Variants in PLAT observed in about 807,000 individuals in gnomAD.
The protein encoded by PLAT is tissue-type plasminogen activator.
Under a neutral mutation model 74.9 loss-of-function variants are expected in PLAT, and 48 were observed. That is an observed-to-expected ratio of 0.64 (90% CI 0.51 to 0.82). The LOEUF (loss-of-function observed/expected upper bound fraction) is 0.82. PLAT is among the 40% of genes least tolerant of loss of function. The pLI is 0.00. For synonymous variants in PLAT, 307 were observed against 294.4 expected (o/e 1.04, Z -0.44); for missense variants, 673 against 736.2 (o/e 0.91, Z 0.99).
At chr8:42,183,487 G>A (rs769772962) in intron 7 of PLAT, among the ~76,000 whole-genome samples, 3 of 152,124 alleles carry the variant, frequency 2.0e-5, no homozygotes, top group Admixed American at 1.3e-4. Flanking sequence ...GCCAGTAGGG[G>A]TTTCCTTGTG....
At chr8:42,192,526 C>A (rs565760284) in intron 2 of PLAT, among the ~76,000 whole-genome samples, 3 of 152,094 alleles carry the variant, frequency 2.0e-5, no homozygotes, top group South Asian at 2.1e-4. Context: ...CAGAGTGAGA[C>A]CCTGTTTCCA....
intron 1 of PLAT, among the ~76,000 whole-genome samples, chr8:42,207,108 C>T (rs1387278495): frequency 1.3e-5 from 2 of 152,214 alleles, no homozygotes; most frequent in African/African-American, 4.8e-5. Context: ...TCCCAGCTGT[C>T]ACAGGCACGT....
intron 1 of PLAT, among the ~76,000 whole-genome samples, chr8:42,202,286 C>G (rs181761797): frequency 5.3e-5 from 8 of 151,958 alleles, no homozygotes; most frequent in Non-Finnish European, 8.8e-5. Flanking sequence ...CCGCCCACCT[C>G]GGGCTCCCAA....
Position 42,180,037 on chromosome 8 carries a change from G to C in PLAT, c.1252C>G (p.Arg418Gly). 6.2e-7 allele frequency: 1 copy of C among 1,609,204 alleles called. No homozygotes were observed. Among genetic ancestry groups the C allele is most frequent in the Non-Finnish European group, 8.5e-7 (1 of 1,177,028 alleles). Residue 418 changes from arginine to glycine, a missense_variant, in exon 12 of 14, where the codon CGC becomes GGC. Physicochemically the swap from Arg to Gly is moderately radical, Grantham distance 125 (BLOSUM62 -2). Coordinates refer to ENST00000220809, the MANE Select transcript of PLAT (RefSeq NM_000930.5). ...ACCACGCTGCTCTCCTGGGCACAGC[G>C]GGACGAATCCGATTTCAGCTGCAGC... ...ALLQLKSDSSRCAQESSVVRT... is the reference protein window; with the variant it reads ...ALLQLKSDSSGCAQESSVVRT...
intron 5 of PLAT, 75 bp from the exon 6 acceptor site, chr8:42,187,647 G>T (rs1805536064): frequency 5.8e-6 from 8 of 1,377,024 alleles, no homozygotes; most frequent in Non-Finnish European, 7.9e-6. Flanking sequence ...TCCCCTCTCT[G>T]CCCCGTCCTC....
chr8:42,193,486 C>T, intron 1 of PLAT: 1 of 295,776 alleles, frequency 3.4e-6, no homozygotes, highest in Admixed American at 4.2e-5. Context: ...GCCGTCACCA[C>T]CGCCCATCTC....
chr8:42,202,180 T>C (rs1015101068), intron 1 of PLAT, among the ~76,000 whole-genome samples: 2 of 148,546 alleles, frequency 1.3e-5, no homozygotes, highest in Admixed American at 1.3e-4. Flanking sequence ...CCACCATGTC[T>C]GGCTAATTTT....
At chr8:42,177,074 G>C (rs1344192416) in intron 13 of PLAT, among the ~76,000 whole-genome samples, 1 of 152,046 alleles carries the variant, frequency 6.6e-6, no homozygotes, top group Non-Finnish European at 1.5e-5. Context: ...CCACCTCCGG[G>C]GTTCAAGCAA....
At chr8:42,179,890 G>T (rs1805146729) in intron 12 of PLAT, 36 bp downstream of exon 12, 1 of 1,527,080 alleles carries the variant, frequency 6.5e-7, no homozygotes, top group Non-Finnish European at 8.8e-7. Context: ...CTGCTGTCCC[G>T]CAGACAGGAT....
chr8:42,190,930 G>A (rs565106989), intron 3 of PLAT, among the ~76,000 whole-genome samples: 31 of 152,320 alleles, frequency 2.0e-4, no homozygotes, highest in African/African-American at 7.2e-4. Context: ...GGTGCACTGT[G>A]GTGGGATCAC....
At chr8:42,179,195 A>G (rs1805108649) in intron 12 of PLAT, 132 bp from the exon 13 acceptor site, 1 of 638,548 alleles carries the variant, frequency 1.6e-6, no homozygotes, top group Non-Finnish European at 2.8e-6. Flanking sequence ...ATCCTATGAC[A>G]CTGCTGGTAT....
chr8:42,189,489 G>A (rs1206619935), intron 3 of PLAT, among the ~76,000 whole-genome samples: 1 of 151,798 alleles, frequency 6.6e-6, no homozygotes, highest in Non-Finnish European at 1.5e-5. Context: ...CTGCACTCCA[G>A]CCTGGGCGAC....
intron 1 of PLAT, among the ~76,000 whole-genome samples, chr8:42,193,969 C>T (rs1431454910): frequency 2.6e-5 from 4 of 151,878 alleles, no homozygotes; most frequent in Non-Finnish European, 5.9e-5. Flanking sequence ...TCGCCTTGGC[C>T]TCCCAAAGTG....
intron 8 of PLAT, 41 bp from the exon 9 acceptor site, chr8:42,182,063 T>C: frequency 4.6e-6 from 6 of 1,312,282 alleles, no homozygotes; most frequent in Non-Finnish European, 6.6e-6. Flanking sequence ...TTTATCTTCT[T>C]ATTTTTTAAT....
At chr8:42,202,924 G>A (rs570262225) in intron 1 of PLAT, among the ~76,000 whole-genome samples, 16 of 152,246 alleles carry the variant, frequency 1.1e-4, no homozygotes, top group Admixed American at 3.9e-4. Flanking sequence ...ACATCCCCAC[G>A]GCTTGGCTCT....
At chr8:42,201,865 C>T (rs1806144158) in intron 1 of PLAT, among the ~76,000 whole-genome samples, 1 of 152,194 alleles carries the variant, frequency 6.6e-6, no homozygotes, top group Admixed American at 6.5e-5. Context: ...GAAATTGGAG[C>T]TTCCCAGAAA....
chr8:42,194,050 C>CTTTTTTTTTTTTTTTT (rs59850705), intron 1 of PLAT, among the ~76,000 whole-genome samples: 15 of 84,908 alleles, frequency 1.8e-4, no homozygotes, highest in South Asian at 4.8e-4. Flanking sequence ...TTTCTTCTTT[C>CTTTTTTTTTTTTTTTT]TTTTTTTTTT....
chr8:42,176,612 C>T (rs1473454785), intron 13 of PLAT, among the ~76,000 whole-genome samples: 1 of 152,262 alleles, frequency 6.6e-6, no homozygotes, highest in Non-Finnish European at 1.5e-5. Context: ...TCTGTCTAGT[C>T]TGTGCTAAAT....
chr8:42,182,720 G>A lies in PLAT; in HGVS notation c.802C>T (p.Arg268Trp), dbSNP rs1339172365. 3.1e-6 allele frequency: 5 copies of A among 1,601,714 alleles called. No individual in the cohort carries two copies. The highest frequency in any genetic ancestry group is 1.3e-5 in the African/African-American group (1 of 74,320). The change falls in exon 8 of 14, where the codon CGG (arginine) becomes TGG (tryptophan). Residue 268 changes from arginine to tryptophan, a missense_variant and splice_region_variant. Transcript: ENST00000220809. ...ALGLGKHNYC[R>W]NPDGDAKPWC... ...ACCCCCCACCCCTGTGCTACCTACCGGCAGTAATTATGTTTGCCCAGGCCC... is the reference window on the plus strand; with the variant it reads ...ACCCCCCACCCCTGTGCTACCTACCAGCAGTAATTATGTTTGCCCAGGCCC...
Sources: allele counts gnomAD v4.1 joint callset (sites outside exome capture counted in the v4.1 genomes callset), GRCh38; gene constraint gnomAD v4.1.1; transcripts MANE v1.5; gene names NCBI Gene and HGNC (gene_info 2026-07-23, HGNC 2026-07-21).